Variants in LTB4R observed in about 807,000 individuals in gnomAD.
The protein encoded by LTB4R is leukotriene B4 receptor 1.
For missense variants in LTB4R, 470 were observed against 485.6 expected, an observed-to-expected ratio of 0.97 and a Z score of 0.30; for synonymous variants, 250 against 230.7, an observed-to-expected ratio of 1.08 and a Z score of -0.76.
Position 24,315,651 on chromosome 14 carries a change from C to T in LTB4R, c.-1C>T. The T allele has an allele frequency of 6.2e-7, 1 of 1,612,508 alleles. No individual in the cohort carries two copies. Among genetic ancestry groups the T allele is most frequent in the Non-Finnish European group, 8.5e-7 (1 of 1,178,990 alleles). ...TCACTCTCCAGGTCCTCCCGACGGC[C>T]ATGAACACTACATCTTCTGCAGCAC... On this transcript the variant is annotated 5_prime_UTR_variant, in exon 2 of 2. Coordinates refer to ENST00000345363, the MANE Select transcript of LTB4R (RefSeq NM_001143919.3).
Position 24,316,012 on chromosome 14 carries a change from C to T in LTB4R, c.361C>T (p.Arg121Cys), listed in dbSNP as rs200787982. The T allele has an allele frequency of 7.4e-6, 12 of 1,613,856 alleles. No individual in the cohort carries two copies. Among genetic ancestry groups the T allele is most frequent in the Non-Finnish European group, 1.0e-5 (12 of 1,180,042 alleles). ...MSLDRSLAVA[R>C]PFVSQKLRTK... Reference sequence around the variant, plus strand: ...TCTAGACCGCTCACTGGCGGTGGCCCGCCCCTTTGTGTCCCAGAAGCTACG... The same window carrying T: ...TCTAGACCGCTCACTGGCGGTGGCCTGCCCCTTTGTGTCCCAGAAGCTACG... The change falls in exon 2 of 2, where the codon CGC (arginine) becomes TGC (cysteine). Residue 121 changes from arginine (R) to cysteine (C), a missense_variant. Transcript: ENST00000345363.
chr14:24,316,283 G>C lies in LTB4R; in HGVS notation c.632G>C (p.Arg211Pro). 6.2e-7 allele frequency: 1 copy of C among 1,607,116 alleles called. No homozygotes were observed. The highest frequency in any genetic ancestry group is 2.2e-5 in the East Asian group (1 of 44,804). The change falls in exon 2 of 2, where the codon CGG (arginine) becomes CCG (proline). Residue 211 changes from arginine to proline, a missense_variant. By Grantham distance (103) the Arg-to-Pro change is moderately radical (BLOSUM62 -2). Coordinates refer to ENST00000345363, the MANE Select transcript of LTB4R (RefSeq NM_001143919.3). ...GACATAGGGCGTCGGCTACAGGCCC[G>C]GCGCTTCCGCCGCAGCCGCCGCACC... The part of the protein sequence containing the change: ...YSDIGRRLQA[R>P]RFRRSRRTGR...
chr14:24,312,897 T>G (rs2041732762), intron 1 of LTB4R, among the ~76,000 whole-genome samples: 1 of 152,104 alleles, frequency 6.6e-6, no homozygotes, highest in African/African-American at 2.4e-5. Flanking sequence ...CCCTGCCGGT[T>G]TCCCAACAAA....
Position 24,315,964 on chromosome 14 carries a change from G to A in LTB4R, c.313G>A (p.Val105Ile), listed in dbSNP as rs755005570. ...CTGCGGAGTCAGCATGTACGCCAGC[G>A]TCCTGCTTATCACGGCCATGAGTCT... ...YVCGVSMYAS[V>I]LLITAMSLDR... The change falls in exon 2 of 2, where the codon GTC becomes ATC. Residue 105 changes from valine to isoleucine, a missense_variant. Val to Ile is a conservative substitution (Grantham distance 29). Transcript: ENST00000345363. The A allele has an allele frequency of 3.1e-6, 5 of 1,614,058 alleles. No individual in the cohort carries two copies. The East Asian group carries it at 1.1e-4, about 36-fold the overall frequency.
In LTB4R at chr14:24,316,024, T is replaced by C; in HGVS notation, c.373T>C (p.Ser125Pro). The stretch of plus-strand genomic sequence containing the variant: ...ACTGGCGGTGGCCCGCCCCTTTGTG[T>C]CCCAGAAGCTACGCACCAAGGCGAT... ...RSLAVARPFV[S>P]QKLRTKAMAR... Residue 125 changes from serine to proline, a missense_variant, in exon 2 of 2, where the codon TCC becomes CCC. Ser to Pro is a moderately conservative substitution (Grantham distance 74). Transcript: ENST00000345363. 1 of 1,613,806 alleles carries C rather than the reference T, an allele frequency of 6.2e-7. No individual in the cohort carries two copies. Among genetic ancestry groups the C allele is most frequent in the Non-Finnish European group, 8.5e-7 (1 of 1,180,030 alleles).
intron 1 of LTB4R, among the ~76,000 whole-genome samples, chr14:24,312,543 T>C (rs929749345): frequency 1.3e-5 from 2 of 152,136 alleles, no homozygotes; most frequent in Admixed American, 6.5e-5. Context: ...AGTTTGGAGG[T>C]TGGCCATTGG....
chr14:24,316,499 T>C lies in LTB4R; in HGVS notation c.848T>C (p.Val283Ala), dbSNP rs1440300251. ...LAFLSSSVNP[V>A]LYACAGGGLL... ...TTCCTGAGCAGCAGCGTGAACCCCGTGCTGTACGCGTGCGCCGGCGGCGGC... is the reference window on the plus strand; with the variant it reads ...TTCCTGAGCAGCAGCGTGAACCCCGCGCTGTACGCGTGCGCCGGCGGCGGC... Residue 283 changes from valine (V) to alanine (A), a missense_variant, in exon 2 of 2, where the codon GTG becomes GCG. Transcript: ENST00000345363. 6.5e-7 allele frequency: 1 copy of C among 1,538,596 alleles called. No homozygotes were observed. Among genetic ancestry groups the C allele is most frequent in the Non-Finnish European group, 8.7e-7 (1 of 1,146,404 alleles).
At position 24,317,643 on chromosome 14, in the gene LTB4R, CAAA is replaced by C. The variant is rs1475286150; in HGVS notation, c.*935_*937del. On this transcript the variant is annotated 3_prime_UTR_variant, in exon 2 of 2. Transcript: ENST00000345363. ...TTTTTGGATCTTTCTCATAAAAAAA[CAAA>C]AGAGCAAGTAAGAGAGGGAAACCAA... 1 of 166,592 alleles carries C rather than the reference CAAA, an allele frequency of 6.0e-6. No homozygotes were observed. Among genetic ancestry groups the C allele is most frequent in the Non-Finnish European group, 1.5e-5 (1 of 68,060 alleles). The allele number at this position is 166,592 out of a possible 1,614,324, so 10.3% of individuals were successfully genotyped here.
chr14:24,311,873 A>G (rs990639700), intron 1 of LTB4R, 69 bp downstream of exon 1: 11 of 854,276 alleles, frequency 1.3e-5, no homozygotes, highest in African/African-American at 1.2e-4. Flanking sequence ...TAGGATTACT[A>G]TACACTTGGG....
In LTB4R at chr14:24,316,280, C is replaced by G; in HGVS notation, c.629C>G (p.Ala210Gly). ...SYSDIGRRLQ[A>G]RRFRRSRRTG... Reference sequence around the variant, plus strand: ...TCGGACATAGGGCGTCGGCTACAGGCCCGGCGCTTCCGCCGCAGCCGCCGC... The same window carrying G: ...TCGGACATAGGGCGTCGGCTACAGGGCCGGCGCTTCCGCCGCAGCCGCCGC... Residue 210 changes from alanine to glycine, a missense_variant, in exon 2 of 2, where the codon GCC (alanine) becomes GGC (glycine). Coordinates refer to ENST00000345363, the MANE Select transcript of LTB4R (RefSeq NM_001143919.3). 6.2e-7 allele frequency: 1 copy of G among 1,607,372 alleles called. No homozygotes were observed. Among genetic ancestry groups the G allele is most frequent in the Non-Finnish European group, 8.5e-7 (1 of 1,177,630 alleles).
At chr14:24,313,757 T>C (rs779763519) in intron 1 of LTB4R, 2 of 152,134 alleles carry the variant, frequency 1.3e-5, no homozygotes, top group Non-Finnish European at 2.9e-5. Flanking sequence ...AGCTATCTTT[T>C]GTATTTTTAG....
rs2041779906 is a variant in LTB4R, at chr14:24,316,788, GGGC to G, written c.*80_*82del. 1.1e-6 allele frequency: 1 copy of G among 933,726 alleles called. No individual in the cohort carries two copies. The highest frequency in any genetic ancestry group is 1.9e-5 in the African/African-American group (1 of 51,472). The allele number at this position is 933,726 out of a possible 1,614,324, so 57.8% of individuals were successfully genotyped here. On this transcript the variant is annotated 3_prime_UTR_variant, in exon 2 of 2. Transcript: ENST00000345363. ...AGTTCAGTACCTGGAGGAGGAGCAG[GGGC>G]GTGGAGGGCGTGGAGGGCGTGGGAG...
chr14:24,316,329 C>A lies in LTB4R; in HGVS notation c.678C>A (p.Ile226=). Residue 226 remains isoleucine (I), a synonymous_variant, in exon 2 of 2, where the codon ATC becomes ATA. Coordinates refer to ENST00000345363, the MANE Select transcript of LTB4R (RefSeq NM_001143919.3). The part of the protein sequence containing the change: ...SRRTGRLVVL[I]ILTFAAFWLP... ...GCACCGGCCGCCTGGTGGTGCTCAT[C>A]ATCCTGACCTTCGCCGCCTTCTGGC... 2 of 1,598,548 alleles carry A rather than the reference C, an allele frequency of 1.3e-6. 1 individual carries two copies. Among genetic ancestry groups the A allele is most frequent in the South Asian group, 2.2e-5 (2 of 90,196 alleles).
Position 24,316,845 on chromosome 14 carries a change from G to A in LTB4R, c.*135G>A. On this transcript the variant is annotated 3_prime_UTR_variant, in exon 2 of 2. Coordinates refer to ENST00000345363, the MANE Select transcript of LTB4R (RefSeq NM_001143919.3). ...GGGAGGCGGGAGTGGAGTGGAAGAA[G>A]AGGGAGAGGTGGAGCAAAGTGAGGG... The A allele has an allele frequency of 1.4e-6, 1 of 695,006 alleles. No homozygotes were observed. Among genetic ancestry groups the A allele is most frequent in the Admixed American group, 4.2e-5 (1 of 23,606 alleles). 43.1% of individuals were successfully genotyped at this position (695,006 alleles called of 1,614,324 possible). A position where few individuals can be genotyped will look rare whatever the true frequency, so the allele number is the denominator to read the frequency against.
intron 1 of LTB4R, chr14:24,315,128 T>C (rs1052755204): frequency 1.3e-5 from 2 of 154,556 alleles, no homozygotes; most frequent in African/African-American, 4.8e-5. Flanking sequence ...CGTAAAAAGT[T>C]GGGAGGCTTT....
rs894307484 is a variant in LTB4R at position 24,317,483 on chromosome 14, A to G, written c.*773A>G. On this transcript the variant is annotated 3_prime_UTR_variant, in exon 2 of 2. Coordinates refer to ENST00000345363, the MANE Select transcript of LTB4R (RefSeq NM_001143919.3). ...GGCACAGGGTGGGGCTGAGGGCCCC[A>G]GGAAACAAAGATTCCCAAAAGTGAG... 1.8e-5 allele frequency: 3 copies of G among 167,100 alleles called. No individual in the cohort carries two copies. The highest frequency in any genetic ancestry group is 7.2e-5 in the African/African-American group (3 of 41,454). 10.4% of individuals were successfully genotyped at this position (167,100 alleles called of 1,614,324 possible). A position where few individuals can be genotyped will look rare whatever the true frequency, so the allele number is the denominator to read the frequency against.
Position 24,316,201 on chromosome 14 carries a change from T to C in LTB4R, c.550T>C (p.Phe184Leu), listed in dbSNP as rs1490200816. 1.2e-6 allele frequency: 2 copies of C among 1,613,664 alleles called. No individual in the cohort carries two copies. The highest frequency in any genetic ancestry group is 3.3e-5 in the Admixed American group (2 of 60,014). Residue 184 changes from phenylalanine to leucine, a missense_variant, in exon 2 of 2, where the codon TTC (phenylalanine) becomes CTC (leucine). Phe to Leu is a conservative substitution (Grantham distance 22, BLOSUM62 0). Coordinates refer to ENST00000345363, the MANE Select transcript of LTB4R (RefSeq NM_001143919.3). ...AGGGCACCGGGCCTTCCATCTAATC[T>C]TCGAGGCTGTCACGGGCTTCCTGCT... ...SEGHRAFHLI[F>L]EAVTGFLLPF...
rs1380146715 is a variant in LTB4R, at chr14:24,316,191, C to A, written c.540C>A (p.Phe180Leu). 1.2e-6 allele frequency: 2 copies of A among 1,613,904 alleles called. No individual in the cohort carries two copies. Among genetic ancestry groups the A allele is most frequent in the Admixed American group, 3.3e-5 (2 of 60,034 alleles). ...ACCCCAGCGAAGGGCACCGGGCCTT[C>A]CATCTAATCTTCGAGGCTGTCACGG... ...PRYPSEGHRA[F>L]HLIFEAVTGF... The change falls in exon 2 of 2, where the codon TTC (phenylalanine) becomes TTA (leucine). Residue 180 changes from phenylalanine to leucine, a missense_variant. By Grantham distance (22) the Phe-to-Leu change is conservative. Transcript: ENST00000345363.
Position 24,316,214 on chromosome 14 carries a change from C to A in LTB4R, c.563C>A (p.Thr188Lys). The A allele has an allele frequency of 1.2e-6, 2 of 1,613,720 alleles. No homozygotes were observed. The highest frequency in any genetic ancestry group is 1.7e-6 in the Non-Finnish European group (2 of 1,180,028). ...TTCCATCTAATCTTCGAGGCTGTCA[C>A]GGGCTTCCTGCTGCCCTTCCTGGCT... Reference protein sequence around the residue: ...RAFHLIFEAVTGFLLPFLAVV... With the variant: ...RAFHLIFEAVKGFLLPFLAVV... The change falls in exon 2 of 2, where the codon ACG becomes AAG. Residue 188 changes from threonine (T) to lysine (K), a missense_variant. By Grantham distance (78) the Thr-to-Lys change is moderately conservative (BLOSUM62 -1). Transcript: ENST00000345363.
Sources: allele counts gnomAD v4.1 joint callset (sites outside exome capture counted in the v4.1 genomes callset), GRCh38; gene constraint gnomAD v4.1.1; transcripts MANE v1.5; gene names NCBI Gene and HGNC (gene_info 2026-07-23, HGNC 2026-07-21).